CRY1: variants seen among roughly 807,000 people sequenced by gnomAD.
CRY1 encodes the protein cryptochrome circadian regulator 1, also known as cryptochrome-1.
A neutral mutation model predicts 76.0 loss-of-function variants in CRY1; 45 were observed. The observed-to-expected ratio is 0.59, with a 90% confidence interval of 0.47 to 0.76. The LOEUF (loss-of-function observed/expected upper bound fraction) is 0.76, where lower values mean the gene tolerates loss of function less well. Ranked by LOEUF, CRY1 falls within the 30% of genes least tolerant of loss-of-function variation. The pLI, the probability that CRY1 is intolerant of heterozygous loss-of-function variation, is 0.00. For missense variants in CRY1, 587 were observed against 716.4 expected (o/e 0.82, Z 2.06); for synonymous variants, 248 against 244.0 (o/e 1.02, Z -0.15).
intron 10 of CRY1, among the ~76,000 whole-genome samples, 164 bp from the exon 11 acceptor site, chr12:106,993,200 C>T (rs1380838860): frequency 2.0e-5 from 3 of 151,896 alleles, no homozygotes; most frequent in Non-Finnish European, 4.4e-5. Flanking sequence ...ATGCTCAAAC[C>T]AGGAAAACTT....
At chr12:107,069,574 GTATATATATAAAGTA>G (rs1565842699) in intron 1 of CRY1, among the ~76,000 whole-genome samples, 1 of 108,176 alleles carries the variant, frequency 9.2e-6, no homozygotes, top group East Asian at 3.0e-4. Flanking sequence ...TATATATAAA[GTATATATATAAAGTA>G]TATATATATA....
chr12:107,092,360 G>T (rs946800994), intron 1 of CRY1, among the ~76,000 whole-genome samples: 1 of 152,174 alleles, frequency 6.6e-6, no homozygotes, highest in Non-Finnish European at 1.5e-5. Context: ...AAGAACACTG[G>T]ATCTGGAGCC....
intron 1 of CRY1, among the ~76,000 whole-genome samples, chr12:107,065,066 G>A (rs975530975): frequency 1.3e-5 from 2 of 151,998 alleles, no homozygotes; most frequent in African/African-American, 4.8e-5. Context: ...GAGGCCAAGA[G>A]GGGTGGATCA....
At chr12:107,032,027 C>T (rs1336691718) in intron 1 of CRY1, among the ~76,000 whole-genome samples, 1 of 152,182 alleles carries the variant, frequency 6.6e-6, no homozygotes, top group African/African-American at 2.4e-5. Flanking sequence ...CTCCACCTCC[C>T]GGGTTCAAGC....
intron 12 of CRY1, 41 bp downstream of exon 12, chr12:106,992,746 A>G (rs1952192397): frequency 1.4e-6 from 2 of 1,463,066 alleles, no homozygotes; most frequent in East Asian, 2.3e-5. Context: ...TGTTAATTAT[A>G]TACTCTTCTA....
intron 1 of CRY1, among the ~76,000 whole-genome samples, chr12:107,041,023 A>ACAACCTCCCAAGTGCCTCCCAGTG (rs998983438): frequency 2.0e-5 from 3 of 152,186 alleles, no homozygotes; most frequent in African/African-American, 7.2e-5. Flanking sequence ...TGCTGTGATT[A>ACAACCTCCCAAGTGCCTCCCAGTG]CAGGCATGAG....
chr12:107,008,200 T>C (rs940852487), intron 2 of CRY1, among the ~76,000 whole-genome samples: 1 of 152,206 alleles, frequency 6.6e-6, no homozygotes, highest in African/African-American at 2.4e-5. Flanking sequence ...GCCCAGCTCC[T>C]TCTCCTAAAC....
intron 1 of CRY1, among the ~76,000 whole-genome samples, chr12:107,073,900 C>A (rs1953220497): frequency 6.6e-6 from 1 of 152,188 alleles, no homozygotes; most frequent in Admixed American, 6.5e-5. Context: ...TGCTAACCAA[C>A]TGTATCGGGA....
At chr12:106,998,525 A>G (rs1952259024) in intron 7 of CRY1, among the ~76,000 whole-genome samples, 1 of 152,210 alleles carries the variant, frequency 6.6e-6, no homozygotes, top group Non-Finnish European at 1.5e-5. Flanking sequence ...ATATACTAGC[A>G]TTACATAGTT....
At chr12:107,013,235 T>C (rs970118663) in intron 2 of CRY1, among the ~76,000 whole-genome samples, 1 of 152,084 alleles carries the variant, frequency 6.6e-6, no homozygotes, top group East Asian at 1.9e-4. Flanking sequence ...TCTTAAGAAA[T>C]TGCCATAGCC....
intron 1 of CRY1, among the ~76,000 whole-genome samples, chr12:107,036,105 G>A (rs138674418): frequency 6.6e-6 from 1 of 152,152 alleles, no homozygotes; most frequent in Admixed American, 6.5e-5. Flanking sequence ...TCCACAGTAG[G>A]GGAAGAACTG....
intron 4 of CRY1, 76 bp from the exon 5 acceptor site, chr12:107,001,444 ATTACT>A: frequency 1.6e-6 from 2 of 1,251,784 alleles, no homozygotes; most frequent in Non-Finnish European, 2.3e-6. Context: ...GGGAGAACAA[ATTACT>A]TTGCAGAAAA....
chr12:107,044,758 A>G (rs1411914819), intron 1 of CRY1, among the ~76,000 whole-genome samples: 1 of 152,228 alleles, frequency 6.6e-6, no homozygotes, highest in Admixed American at 6.5e-5. Context: ...GAGCTTCAGC[A>G]GCACACTTTG....
At chr12:107,062,638 T>C (rs868246364) in intron 1 of CRY1, among the ~76,000 whole-genome samples, 3 of 152,142 alleles carry the variant, frequency 2.0e-5, no homozygotes, top group East Asian at 1.9e-4. Context: ...ACATACACCA[T>C]AGAAGTACAA....
At chr12:107,081,608 A>G (rs1953326246) in intron 1 of CRY1, among the ~76,000 whole-genome samples, 2 of 152,214 alleles carry the variant, frequency 1.3e-5, no homozygotes, top group South Asian at 4.1e-4. Context: ...TACTGCCTAT[A>G]ATGGATAGGG....
chr12:107,062,155 C>G (rs1027774638), intron 1 of CRY1, among the ~76,000 whole-genome samples: 8 of 150,746 alleles, frequency 5.3e-5, no homozygotes, highest in African/African-American at 2.0e-4. Flanking sequence ...ACAGAAGTAA[C>G]TTTTTATTGA....
At chr12:107,058,630 T>A (rs1288499161) in intron 1 of CRY1, among the ~76,000 whole-genome samples, 2 of 152,228 alleles carry the variant, frequency 1.3e-5, no homozygotes, top group Non-Finnish European at 2.9e-5. Flanking sequence ...TAAGGTCATG[T>A]CAAGATAACC....
At position 107,080,742 on chromosome 12, in the gene CRY1, G is replaced by C. The variant is rs115385286; in HGVS notation, c.158+12062C>G. On this transcript the variant is annotated intron_variant, in intron 1 of 12. Transcript: ENST00000008527. Reference sequence around the variant, plus strand: ...AAAAATAGTTTTGGTAGAGTGGGTGGGAGTGAAGCCGGACATGCCTTAGTT... The same window carrying C: ...AAAAATAGTTTTGGTAGAGTGGGTGCGAGTGAAGCCGGACATGCCTTAGTT... Among the ~76,000 whole-genome samples, 1,139 of 152,158 alleles carry C rather than the reference G, an allele frequency of 7.5e-3. 18 individuals are homozygous for C. The highest frequency in any genetic ancestry group is 0.024 in the African/African-American group (1,010 of 41,542).
chr12:106,991,940 A>C lies in CRY1; in HGVS notation c.*62T>G, dbSNP rs1391545208. On this transcript the variant is annotated 3_prime_UTR_variant, in exon 13 of 13. Coordinates refer to ENST00000008527, the MANE Select transcript of CRY1 (RefSeq NM_004075.5). ...AATGAAGAATATTTTTAAATAACTT[A>C]ATTGAAAAGTATTGAACTCCCCACC... 6.6e-6 allele frequency: 1 copy of C among 152,516 alleles called. No homozygotes were observed. The highest frequency in any genetic ancestry group is 1.5e-5 in the Non-Finnish European group (1 of 68,010). The allele number at this position is 152,516 out of a possible 1,614,324, so 9.4% of individuals were successfully genotyped here.
Sources: gnomAD v4.1 joint callset for allele counts (sites outside exome capture counted in the v4.1 genomes callset) on GRCh38, gnomAD v4.1.1 for gene constraint, MANE v1.5 for transcripts, NCBI Gene and HGNC (gene_info 2026-07-23, HGNC 2026-07-21) for gene names.